ESRRB: variants seen among roughly 807,000 people sequenced by gnomAD.
The protein encoded by ESRRB is estrogen related receptor beta.
ESRRB carries 16 observed loss-of-function variants against 46.0 expected under a neutral mutation model. The ratio of observed to expected loss-of-function variants is 0.35; its 90% CI spans 0.24 to 0.53. The LOEUF (loss-of-function observed/expected upper bound fraction) is 0.53. Ranked by LOEUF, ESRRB falls within the 20% of genes least tolerant of loss-of-function variation. ESRRB has a pLI of 0.93. For synonymous variants in ESRRB, 246 were observed against 259.6 expected, an observed-to-expected ratio of 0.95 and a Z score of 0.50; for missense variants, 488 against 607.4, an observed-to-expected ratio of 0.80 and a Z score of 2.07.
chr14:76,395,103 G>A (rs1027621057), intron 1 of ESRRB, among the ~76,000 whole-genome samples: 7 of 150,948 alleles, frequency 4.6e-5, no homozygotes, highest in African/African-American at 9.8e-5. Context: ...CTCCGTTTCC[G>A]ACAGTCAGCC....
chr14:76,410,119 G>T (rs375238373), intron 1 of ESRRB, among the ~76,000 whole-genome samples: 1 of 152,138 alleles, frequency 6.6e-6, no homozygotes, highest in Non-Finnish European at 1.5e-5. Context: ...AGCTACTCAG[G>T]AGGCTGAGGC....
rs1434050294 is a variant in ESRRB, at chr14:76,462,535, C to G, written c.461-10C>G. 6.2e-7 allele frequency: 1 copy of G among 1,608,824 alleles called. No homozygotes were observed. The highest frequency in any genetic ancestry group is 8.5e-7 in the Non-Finnish European group (1 of 1,175,534). On this transcript the variant is annotated splice_polypyrimidine_tract_variant and intron_variant, in intron 2 of 6. Coordinates refer to ENST00000644823, the MANE Select transcript of ESRRB (RefSeq NM_001379180.1). Reference sequence around the variant, plus strand: ...CAGCACCCGGCAACCCTCTCTGTGTCTGGTTGCAGGGAACATTGAGTACAG... The same window carrying G: ...CAGCACCCGGCAACCCTCTCTGTGTGTGGTTGCAGGGAACATTGAGTACAG...
intron 1 of ESRRB, among the ~76,000 whole-genome samples, chr14:76,365,032 G>T (rs1022486882): frequency 1.3e-5 from 2 of 152,042 alleles, no homozygotes; most frequent in African/African-American, 2.4e-5. Context: ...ATTGAAATTT[G>T]TTATGTATGA....
chr14:76,390,658 G>A (rs561584910), intron 1 of ESRRB, among the ~76,000 whole-genome samples: 28 of 152,172 alleles, frequency 1.8e-4, no homozygotes, highest in Non-Finnish European at 3.8e-4. Context: ...CCAGGTAGAG[G>A]AATGTAAGTT....
chr14:76,377,308 T>C (rs914532415), intron 1 of ESRRB, among the ~76,000 whole-genome samples: 1 of 152,062 alleles, frequency 6.6e-6, no homozygotes, highest in Admixed American at 6.5e-5. Context: ...CAGCGGGTGG[T>C]CAACCCGCGT....
chr14:76,496,708 C>T (rs1010687897), intron 6 of ESRRB, among the ~76,000 whole-genome samples: 6 of 152,150 alleles, frequency 3.9e-5, no homozygotes, highest in African/African-American at 1.4e-4. Flanking sequence ...CTCAGGGCGA[C>T]CATGGGTGCC....
chr14:76,373,692 C>T (rs1295788888), upstream of ESRRB, among the ~76,000 whole-genome samples: 1 of 152,142 alleles, frequency 6.6e-6, no homozygotes, highest in Admixed American at 6.5e-5. Flanking sequence ...AGAACTTGGC[C>T]CCAGGGCTGT....
chr14:76,397,297 G>A (rs532736966), intron 1 of ESRRB, among the ~76,000 whole-genome samples: 6 of 152,238 alleles, frequency 3.9e-5, no homozygotes, highest in African/African-American at 1.4e-4. Context: ...GGTGACCCAG[G>A]ACCCCCTAGC....
intron 1 of ESRRB, among the ~76,000 whole-genome samples, chr14:76,409,292 G>A (rs1032053135): frequency 3.3e-5 from 5 of 152,098 alleles, no homozygotes; most frequent in South Asian, 2.1e-4. Flanking sequence ...GGCCTCCAGC[G>A]GGTGAAAGTT....
chr14:76,472,715 C>A (rs536979461), intron 3 of ESRRB, among the ~76,000 whole-genome samples: 31 of 152,366 alleles, frequency 2.0e-4, no homozygotes, highest in Admixed American at 5.9e-4. Flanking sequence ...CATGCCCACA[C>A]AACTTCCAGA....
At chr14:76,492,444 G>A (rs1890268313) in intron 6 of ESRRB, among the ~76,000 whole-genome samples, 1 of 152,188 alleles carries the variant, frequency 6.6e-6, no homozygotes, top group Non-Finnish European at 1.5e-5. Flanking sequence ...TGGCACTACA[G>A]GTATGAGCCA....
intron 1 of ESRRB, among the ~76,000 whole-genome samples, chr14:76,312,479 T>G (rs776333056): frequency 1.3e-5 from 2 of 151,480 alleles, no homozygotes; most frequent in Non-Finnish European, 2.9e-5. Context: ...AAGGCAAACG[T>G]CCCATGTTCA....
upstream of ESRRB, among the ~76,000 whole-genome samples, chr14:76,367,949 C>CTTTTTTT (rs778235037): frequency 1.3e-4 from 12 of 95,284 alleles, 2 homozygotes; most frequent in Non-Finnish European, 1.8e-4. Context: ...TTCCAGTTTG[C>CTTTTTTT]TTTTTTTTTT....
At chr14:76,436,881 T>C (rs540455353) in intron 1 of ESRRB, among the ~76,000 whole-genome samples, 62 of 152,250 alleles carry the variant, frequency 4.1e-4, no homozygotes, top group African/African-American at 1.4e-3. Context: ...CTTCACACAC[T>C]GCATTTTGGG....
At chr14:76,467,361 C>T (rs974289489) in intron 3 of ESRRB, among the ~76,000 whole-genome samples, 5 of 151,598 alleles carry the variant, frequency 3.3e-5, no homozygotes, top group African/African-American at 7.3e-5. Context: ...ATTAGCTGGG[C>T]GTGGTGGCAC....
intron 5 of ESRRB, among the ~76,000 whole-genome samples, chr14:76,483,994 C>G (rs1889908472): frequency 6.6e-6 from 1 of 152,154 alleles, no homozygotes; most frequent in Non-Finnish European, 1.5e-5. Context: ...GCTGGGATTA[C>G]AGGTGCCTGC....
In ESRRB at chr14:76,500,117, C is replaced by G. The variant is rs952327439; in HGVS notation, c.*1659C>G. 20 of 1,468,766 alleles carry G rather than the reference C, an allele frequency of 1.4e-5. No individual in the cohort carries two copies. The highest frequency in any genetic ancestry group is 1.9e-5 in the Non-Finnish European group (20 of 1,080,308). 91.0% of individuals were successfully genotyped at this position (1,468,766 alleles called of 1,614,324 possible). On this transcript the variant is annotated 3_prime_UTR_variant, in exon 7 of 7. Coordinates refer to ENST00000644823, the MANE Select transcript of ESRRB (RefSeq NM_001379180.1). ...AAGCCCTGGTCCCACCTCCTTGGCT[C>G]TACCCCAGGAACCTCCCGGCCTGGG...
chr14:76,445,387 C>T (rs1888092043), intron 2 of ESRRB, among the ~76,000 whole-genome samples: 1 of 145,938 alleles, frequency 6.9e-6, no homozygotes, highest in Non-Finnish European at 1.5e-5. Flanking sequence ...AGGAGAATTG[C>T]TTGAACCCGG....
At chr14:76,474,206 G>A (rs567195400) in intron 3 of ESRRB, among the ~76,000 whole-genome samples, 1 of 152,332 alleles carries the variant, frequency 6.6e-6, no homozygotes, top group South Asian at 2.1e-4. Context: ...CTGTGGGGAT[G>A]TGTTTCTCTC....
Sources: allele counts gnomAD v4.1 joint callset (sites outside exome capture counted in the v4.1 genomes callset), GRCh38; gene constraint gnomAD v4.1.1; transcripts MANE v1.5; gene names NCBI Gene and HGNC (gene_info 2026-07-23, HGNC 2026-07-21).